The following CNBD1 variants were observed in gnomAD, a reference collection of about 807,000 sequenced individuals.
The protein encoded by CNBD1 is cyclic nucleotide-binding domain-containing protein 1.
Under a neutral mutation model 54.4 loss-of-function variants are expected in CNBD1, and 71 were observed. The ratio of observed to expected loss-of-function variants is 1.30; its 90% CI spans 1.08 to 1.59. The LOEUF is 1.59. Among genes scored for constraint, CNBD1 ranks in the 40% most tolerant of loss-of-function variants. The probability of loss-of-function intolerance (pLI) is 0.00; values close to 1 mark genes in which losing one functional copy is unlikely to be tolerated. For synonymous variants in CNBD1, 182 were observed against 170.7 expected, an observed-to-expected ratio of 1.07 and a Z score of -0.51; for missense variants, 659 against 518.0, an observed-to-expected ratio of 1.27 and a Z score of -2.64.
chr8:87,231,354 A>T (rs1273459860), intron 5 of CNBD1, among the ~76,000 whole-genome samples: 1 of 152,110 alleles, frequency 6.6e-6, no homozygotes, highest in Non-Finnish European at 1.5e-5. Flanking sequence ...CAGAGAGGGG[A>T]GGGGAAGAAA....
At chr8:87,082,028 T>C (rs903491098) in intron 4 of CNBD1, among the ~76,000 whole-genome samples, 1 of 152,228 alleles carries the variant, frequency 6.6e-6, no homozygotes, top group African/African-American at 2.4e-5. Flanking sequence ...AGCGTCTTCT[T>C]GGTGAATTGA....
At chr8:87,250,392 G>A (rs1221965708) in intron 6 of CNBD1, among the ~76,000 whole-genome samples, 1 of 152,170 alleles carries the variant, frequency 6.6e-6, no homozygotes, top group Non-Finnish European at 1.5e-5. Flanking sequence ...AATTAGTATA[G>A]GCACTATGGA....
intron 4 of CNBD1, among the ~76,000 whole-genome samples, chr8:87,050,348 T>C (rs1335758908): frequency 6.6e-6 from 1 of 152,164 alleles, no homozygotes; most frequent in Admixed American, 6.5e-5. Flanking sequence ...GAGCCTTAAA[T>C]TTTGAAACCT....
chr8:87,115,271 A>G (rs1375327467), intron 4 of CNBD1, among the ~76,000 whole-genome samples: 3 of 152,250 alleles, frequency 2.0e-5, no homozygotes, highest in African/African-American at 4.8e-5. Flanking sequence ...AGATACATGC[A>G]GTACTTATCA....
intron 8 of CNBD1, among the ~76,000 whole-genome samples, chr8:87,307,555 T>A (rs1378360223): frequency 1.3e-5 from 2 of 152,024 alleles, no homozygotes; most frequent in Non-Finnish European, 2.9e-5. Flanking sequence ...CTGGACAACA[T>A]GGCGAAGTGT....
intron 4 of CNBD1, among the ~76,000 whole-genome samples, chr8:87,138,180 C>G (rs1341645557): frequency 6.6e-6 from 1 of 152,060 alleles, no homozygotes; most frequent in South Asian, 2.1e-4. Context: ...TTTTTGTCTT[C>G]CTATTTGTTC....
intron 6 of CNBD1, among the ~76,000 whole-genome samples, chr8:87,284,058 C>T (rs1200191662): frequency 1.3e-5 from 2 of 151,980 alleles, no homozygotes; most frequent in African/African-American, 4.8e-5. Flanking sequence ...CTAAGAAGCT[C>T]CTCAGCCTCT....
chr8:87,164,757 T>A (rs1812927166), intron 4 of CNBD1, among the ~76,000 whole-genome samples: 1 of 151,812 alleles, frequency 6.6e-6, no homozygotes, highest in South Asian at 2.1e-4. Context: ...TTTTCTGTTG[T>A]TTTGCTAGTC....
At chr8:86,936,977 G>A (rs1193072675) in intron 3 of CNBD1, among the ~76,000 whole-genome samples, 1 of 152,096 alleles carries the variant, frequency 6.6e-6, no homozygotes, top group East Asian at 1.9e-4. Context: ...TTTATAAACT[G>A]AGGATAATAT....
At chr8:87,424,655 C>A (rs934220691) in intron 2 of CNBD1, among the ~76,000 whole-genome samples, 7 of 152,180 alleles carry the variant, frequency 4.6e-5, no homozygotes, top group Non-Finnish European at 8.8e-5. Context: ...TACAGAAGCT[C>A]TCTTCTGGCT....
intron 10 of CNBD1, among the ~76,000 whole-genome samples, chr8:87,362,855 A>T: frequency 6.6e-6 from 1 of 152,168 alleles, no homozygotes; most frequent in East Asian, 1.9e-4. Context: ...TATGGAGTTC[A>T]TTCAAATTGC....
intron 4 of CNBD1, among the ~76,000 whole-genome samples, chr8:87,029,781 T>C (rs868414780): frequency 5.9e-5 from 9 of 152,190 alleles, no homozygotes; most frequent in Admixed American, 5.9e-4. Flanking sequence ...TTATTTTACA[T>C]CTTTATTTGT....
At chr8:87,309,251 A>C (rs1044926785) in intron 8 of CNBD1, among the ~76,000 whole-genome samples, 1 of 152,062 alleles carries the variant, frequency 6.6e-6, no homozygotes, top group African/African-American at 2.4e-5. Context: ...GCATTTGTTA[A>C]TTGTCTTTTT....
chr8:86,961,138 A>G (rs1437239863), intron 4 of CNBD1, among the ~76,000 whole-genome samples: 1 of 152,234 alleles, frequency 6.6e-6, no homozygotes, highest in African/African-American at 2.4e-5. Flanking sequence ...CAGTAAGTGT[A>G]CAAATAAACA....
intron 4 of CNBD1, among the ~76,000 whole-genome samples, chr8:86,985,418 T>A (rs1808584953): frequency 6.6e-6 from 1 of 152,220 alleles, no homozygotes; most frequent in Admixed American, 6.5e-5. Flanking sequence ...AGCTGATAGT[T>A]GTTTCCATCT....
At chr8:87,303,516 C>T (rs1290552955) in intron 8 of CNBD1, among the ~76,000 whole-genome samples, 1 of 152,040 alleles carries the variant, frequency 6.6e-6, no homozygotes, top group Non-Finnish European at 1.5e-5. Flanking sequence ...AAATGTTAGA[C>T]CTAAAACCAT....
intron 4 of CNBD1, among the ~76,000 whole-genome samples, chr8:87,021,473 T>C (rs1809487696): frequency 6.6e-6 from 1 of 152,254 alleles, no homozygotes; most frequent in Admixed American, 6.5e-5. Flanking sequence ...TGAACTAATT[T>C]GAACTACTGA....
intron 8 of CNBD1, among the ~76,000 whole-genome samples, chr8:87,290,867 G>A (rs908049432): frequency 1.3e-5 from 2 of 152,112 alleles, no homozygotes; most frequent in Non-Finnish European, 2.9e-5. Flanking sequence ...AAGTGACAAG[G>A]CTTTTGCTTG....
chr8:87,154,034 G>A lies in CNBD1; in HGVS notation c.432-51959G>A, dbSNP rs117157570. On this transcript the variant is annotated intron_variant, in intron 4 of 10. Transcript: ENST00000518476. ...GAGACGAGTGGAGAGCCAGGCAGGC[G>A]GCAGGCAGCAGGCTTTGTATGACCT... 9.9e-5 allele frequency among the ~76,000 whole-genome samples: 15 copies of A among 152,170 alleles called. 1 individual carries two copies. In the Middle Eastern group the frequency reaches 0.01, roughly 104 times the overall value.
Sources: gnomAD v4.1 joint callset for allele counts (sites outside exome capture counted in the v4.1 genomes callset) on GRCh38, gnomAD v4.1.1 for gene constraint, MANE v1.5 for transcripts, NCBI Gene and HGNC (gene_info 2026-07-23, HGNC 2026-07-21) for gene names.